The following CASZ1 variants were observed in gnomAD, a reference collection of about 807,000 sequenced individuals.
The protein encoded by CASZ1 is zinc finger protein castor homolog 1.
A neutral mutation model predicts 135.2 loss-of-function variants in CASZ1; 28 were observed. The ratio of observed to expected loss-of-function variants is 0.21; its 90% CI spans 0.15 to 0.28. The LOEUF is 0.28. Ranked by LOEUF, CASZ1 falls within the 10% of genes least tolerant of loss-of-function variation. CASZ1 has a pLI of 1.00. For synonymous variants in CASZ1, 1,068 were observed against 1,073.4 expected (o/e 0.99, Z 0.10); for missense variants, 2,161 against 2,453.3 (o/e 0.88, Z 2.52).
At chr1:10,785,075 C>T (rs1308043741) in intron 1 of CASZ1, among the ~76,000 whole-genome samples, 2 of 72,742 alleles carry the variant, frequency 2.7e-5, no homozygotes, top group Non-Finnish European at 7.6e-5. Flanking sequence ...CTCTCTCTCC[C>T]TCCTTCCTTC....
intron 5 of CASZ1, among the ~76,000 whole-genome samples, chr1:10,662,291 AAC>A (rs1190182727): frequency 1.4e-5 from 2 of 145,904 alleles, no homozygotes; most frequent in Non-Finnish European, 1.5e-5. Context: ...AATCACATAC[AAC>A]ACACACATAC....
intron 1 of CASZ1, among the ~76,000 whole-genome samples, chr1:10,793,426 A>G (rs962232437): frequency 2.0e-5 from 3 of 152,152 alleles, no homozygotes; most frequent in Admixed American, 6.5e-5. Flanking sequence ...GCAAGACTCC[A>G]AGTCTCGGCA....
At chr1:10,653,295 G>A (rs749765801) in intron 11 of CASZ1, 82 bp downstream of exon 11, 11 of 1,380,994 alleles carry the variant, frequency 8.0e-6, no homozygotes, top group Middle Eastern at 1.8e-4. Context: ...AACACCCCCC[G>A]ACTCTGCTCT....
rs138688375 is a variant in CASZ1, at chr1:10,650,728, C to T, written c.2844G>A (p.Pro948=). 2.3e-4 allele frequency: 365 copies of T among 1,613,990 alleles called. No homozygotes were observed. The highest frequency in any genetic ancestry group is 2.8e-4 in the Non-Finnish European group (335 of 1,179,958). The change falls in exon 13 of 21, where the codon CCG becomes CCA. Residue 948 remains proline (P), a synonymous_variant. Transcript: ENST00000377022. ...PSNESNGHAV[P]ANSSLLSSLM... ...GCGAGGATAAAAGAGATGAATTTGC[C>T]GGGACTGCGTGGCCATTTGATTCGT...
chr1:10,748,798 C>A (rs1375732275), intron 2 of CASZ1, among the ~76,000 whole-genome samples: 2 of 152,238 alleles, frequency 1.3e-5, no homozygotes, highest in Non-Finnish European at 2.9e-5. Flanking sequence ...CAATTCCCAG[C>A]CACCCACCAT....
At position 10,694,004 on chromosome 1, in the gene CASZ1, C is replaced by T. The variant is rs1311808445; in HGVS notation, c.-23-92G>A. ...CCGGCCGCCCGCCCTGCTTGTCCCC[C>T]GCCCCGCAGGAGCGGCCCGTCCCGG... is the stretch of plus-strand genomic sequence containing the variant. On this transcript the variant is annotated intron_variant, in intron 3 of 20. Transcript: ENST00000377022. The surrounding 1 kb of genome is among the most constrained non-coding windows in gnomAD (Gnocchi z 6.6). 6.2e-6 allele frequency: 8 copies of T among 1,286,696 alleles called. No individual in the cohort carries two copies. Among genetic ancestry groups the T allele is most frequent in the African/African-American group, 1.5e-5 (1 of 64,742 alleles). The allele number at this position is 1,286,696 out of a possible 1,614,324, so 79.7% of individuals were successfully genotyped here.
At chr1:10,674,965 G>A (rs541345253) in intron 4 of CASZ1, among the ~76,000 whole-genome samples, 9 of 152,318 alleles carry the variant, frequency 5.9e-5, no homozygotes, top group African/African-American at 1.9e-4. Flanking sequence ...CAAGCCCTCC[G>A]TGGGGATGCA....
chr1:10,650,764 C>T lies in CASZ1; in HGVS notation c.2817-9G>A. On this transcript the variant is annotated splice_polypyrimidine_tract_variant and intron_variant, in intron 12 of 20. Coordinates refer to ENST00000377022, the MANE Select transcript of CASZ1 (RefSeq NM_001079843.3). Reference sequence around the variant, plus strand: ...GGCCATTTGATTCGTTGCTAGAACACACAAACCAAGGGACTTGAGCTCAGA... The same window carrying T: ...GGCCATTTGATTCGTTGCTAGAACATACAAACCAAGGGACTTGAGCTCAGA... The T allele has an allele frequency of 6.2e-7, 1 of 1,613,100 alleles. No individual in the cohort carries two copies. Among genetic ancestry groups the T allele is most frequent in the Non-Finnish European group, 8.5e-7 (1 of 1,179,708 alleles).
chr1:10,743,486 A>G (rs1382878694), intron 2 of CASZ1, among the ~76,000 whole-genome samples: 1 of 150,854 alleles, frequency 6.6e-6, no homozygotes, highest in African/African-American at 2.4e-5. Flanking sequence ...TCCTCCACGT[A>G]GAGACCTGTA....
chr1:10,694,288 G>A lies in CASZ1; in HGVS notation c.-23-376C>T. On this transcript the variant is annotated intron_variant, in intron 3 of 20. Coordinates refer to ENST00000377022, the MANE Select transcript of CASZ1 (RefSeq NM_001079843.3). The surrounding 1 kb of genome is among the most constrained non-coding windows in gnomAD (Gnocchi z 6.6). ...CCCCGGGCCTCCCCCGCCCGCGCCC[G>A]GTACTCACCATAGTCGGAGAGTCGA... 1 of 1,109,758 alleles carries A rather than the reference G, an allele frequency of 9.0e-7. No individual in the cohort carries two copies. The highest frequency in any genetic ancestry group is 1.1e-6 in the Non-Finnish European group (1 of 889,340). 68.7% of individuals were successfully genotyped at this position (1,109,758 alleles called of 1,614,324 possible).
intron 1 of CASZ1, among the ~76,000 whole-genome samples, chr1:10,765,758 T>A (rs1212372703): frequency 1.3e-5 from 2 of 152,142 alleles, no homozygotes; most frequent in Non-Finnish European, 2.9e-5. Flanking sequence ...AGCCAGCTGC[T>A]TATGCGGCCT....
At chr1:10,674,072 A>G (rs1643489012) in intron 4 of CASZ1, among the ~76,000 whole-genome samples, 1 of 152,248 alleles carries the variant, frequency 6.6e-6, no homozygotes, top group Admixed American at 6.5e-5. Context: ...AACAGGCCCT[A>G]AGGTATCCTG....
intron 6 of CASZ1, among the ~76,000 whole-genome samples, chr1:10,659,314 A>T (rs1297033023): frequency 7.2e-6 from 1 of 138,306 alleles, no homozygotes; most frequent in East Asian, 2.1e-4. Flanking sequence ...TGTCATGGGC[A>T]GATGGGGTGT....
intron 1 of CASZ1, among the ~76,000 whole-genome samples, chr1:10,786,886 A>G (rs921044477): frequency 1.3e-5 from 2 of 151,960 alleles, no homozygotes; most frequent in African/African-American, 4.8e-5. Context: ...CCAACCTGCA[A>G]CCTGACACAA....
chr1:10,733,839 T>C (rs1639746215), intron 2 of CASZ1, among the ~76,000 whole-genome samples: 1 of 152,130 alleles, frequency 6.6e-6, no homozygotes, highest in Non-Finnish European at 1.5e-5. Flanking sequence ...CCCTCTTCTA[T>C]AAAATCAGAG....
Position 10,653,631 on chromosome 1 carries a change from C to T in CASZ1, c.2426G>A (p.Gly809Glu). The T allele has an allele frequency of 1.3e-6, 2 of 1,549,204 alleles. No homozygotes were observed. Among genetic ancestry groups the T allele is most frequent in the Non-Finnish European group, 1.7e-6 (2 of 1,147,008 alleles). The change falls in exon 11 of 21, where the codon GGG becomes GAG. Residue 809 changes from glycine to glutamate, a missense_variant. Around this residue, in one of 7 missense-constraint regions of CASZ1, gnomAD observed 406 missense variants for 387.6 expected, o/e 1.05. Coordinates refer to ENST00000377022, the MANE Select transcript of CASZ1 (RefSeq NM_001079843.3). ...GGTGCCCACAGGCAGGGAGGTGCTC[C>T]CACGGCCAGCCAGTATGGGGAAGTA... The part of the protein sequence containing the change: ...TPYFPILAGR[G>E]STSLPVGTPS...
At chr1:10,749,086 G>A (rs564404555) in intron 2 of CASZ1, among the ~76,000 whole-genome samples, 4 of 152,228 alleles carry the variant, frequency 2.6e-5, no homozygotes, top group East Asian at 3.9e-4. Flanking sequence ...GAAGCAGTCC[G>A]GGGCCCTGCA....
chr1:10,655,741 C>T lies in CASZ1; in HGVS notation c.1573G>A (p.Gly525Ser). Residue 525 changes from glycine to serine, a missense_variant, in exon 9 of 21, where the codon GGC becomes AGC. Physicochemically the swap from Gly to Ser is moderately conservative, Grantham distance 56. This residue lies in a region of CASZ1 where 248 missense variants were observed against 410.8 expected (regional missense o/e 0.60). Coordinates refer to ENST00000377022, the MANE Select transcript of CASZ1 (RefSeq NM_001079843.3). The part of the protein sequence containing the change: ...HKKRDNSLQH[G>S]FMRFSPLDDC... Reference sequence around the variant, plus strand: ...TCCAGCGGGCTGAAACGCATGAAGCCGTGCTGCAGGGAGTTGTCGCGCTTC... The same window carrying T: ...TCCAGCGGGCTGAAACGCATGAAGCTGTGCTGCAGGGAGTTGTCGCGCTTC... The T allele has an allele frequency of 6.2e-7, 1 of 1,614,198 alleles. No homozygotes were observed. The highest frequency in any genetic ancestry group is 8.5e-7 in the Non-Finnish European group (1 of 1,180,006).
intron 2 of CASZ1, among the ~76,000 whole-genome samples, chr1:10,716,948 C>G (rs902224789): frequency 1.3e-5 from 2 of 152,270 alleles, no homozygotes; most frequent in East Asian, 1.9e-4. Flanking sequence ...CTTTTACGTT[C>G]GGTCAAACTT....
Sources: allele counts gnomAD v4.1 joint callset (sites outside exome capture counted in the v4.1 genomes callset), GRCh38; gene constraint gnomAD v4.1.1; regional missense constraint gnomAD v4.1.1; non-coding constraint Gnocchi (gnomAD v3.1); transcripts MANE v1.5; gene names NCBI Gene and HGNC (gene_info 2026-07-23, HGNC 2026-07-21).